The following ERC2 variants were observed in gnomAD, a reference collection of about 807,000 sequenced individuals.
ERC2 encodes the protein ERC protein 2.
In ERC2, 42 loss-of-function variants were observed where a neutral mutation model predicts 114.8. The observed-to-expected ratio is 0.37, with a 90% CI of 0.29 to 0.47. The LOEUF (loss-of-function observed/expected upper bound fraction) is 0.47, where lower values mean the gene tolerates loss of function less well. Ranked by LOEUF, ERC2 falls within the 20% of genes least tolerant of loss-of-function variation. The pLI is 0.99. For missense variants in ERC2, 939 were observed against 1,150.7 expected (o/e 0.82, Z 2.66); for synonymous variants, 454 against 425.5 (o/e 1.07, Z -0.82).
chr3:55,995,107 G>A (rs531463761), intron 10 of ERC2, among the ~76,000 whole-genome samples: 2 of 152,252 alleles, frequency 1.3e-5, no homozygotes, highest in Non-Finnish European at 2.9e-5. Flanking sequence ...GGCCAAGGTG[G>A]GTGGATCACA....
chr3:55,905,889 A>G (rs2064403177), intron 13 of ERC2, among the ~76,000 whole-genome samples: 1 of 152,194 alleles, frequency 6.6e-6, no homozygotes. Context: ...GTCCCTTCAG[A>G]TAAAGGAGCT....
chr3:55,582,502 A>T (rs1021466598), intron 17 of ERC2, among the ~76,000 whole-genome samples: 1 of 152,230 alleles, frequency 6.6e-6, no homozygotes, highest in Non-Finnish European at 1.5e-5. Flanking sequence ...TTGGCTATCA[A>T]TATTTTGAAG....
chr3:56,100,814 C>T (rs2078310534), intron 6 of ERC2, among the ~76,000 whole-genome samples: 1 of 152,178 alleles, frequency 6.6e-6, no homozygotes, highest in Admixed American at 6.5e-5. Context: ...ATATATTACA[C>T]ACAGTACAGT....
intron 14 of ERC2, among the ~76,000 whole-genome samples, chr3:55,772,014 C>T (rs1027251251): frequency 6.6e-6 from 1 of 152,224 alleles, no homozygotes; most frequent in Non-Finnish European, 1.5e-5. Context: ...GGCCTCACGT[C>T]TGTGGGCCTC....
rs544772708 is a variant in ERC2, at chr3:56,265,353, A to G, written c.1074+30666T>C. ...AGGGCACCAAGAAGACACAATGAGG[A>G]AAGGACAGTGTCTTCAATAAATGCT... On this transcript the variant is annotated intron_variant, in intron 3 of 17. Transcript: ENST00000288221. Among the ~76,000 whole-genome samples, 4 of 152,338 alleles carry G rather than the reference A, an allele frequency of 2.6e-5. No individual in the cohort carries two copies. In the East Asian group the frequency reaches 7.7e-4, roughly 29 times the overall value.
chr3:56,177,603 C>G (rs1197970483), intron 3 of ERC2, among the ~76,000 whole-genome samples: 1 of 152,138 alleles, frequency 6.6e-6, no homozygotes, highest in Admixed American at 6.5e-5. Context: ...ACCATGTCAG[C>G]TGGTTCACAG....
chr3:56,078,630 G>C (rs904467597), intron 7 of ERC2, among the ~76,000 whole-genome samples: 11 of 152,212 alleles, frequency 7.2e-5, no homozygotes, highest in Non-Finnish European at 1.5e-4. Flanking sequence ...ACAAGAACAA[G>C]TGCTCCTGGC....
chr3:56,190,224 A>C (rs1008595449), intron 3 of ERC2, among the ~76,000 whole-genome samples: 1 of 152,144 alleles, frequency 6.6e-6, no homozygotes, highest in African/African-American at 2.4e-5. Context: ...TGAACATTTT[A>C]TTTGCAAACC....
chr3:56,177,750 G>T (rs1307598664), intron 3 of ERC2, among the ~76,000 whole-genome samples: 1 of 152,162 alleles, frequency 6.6e-6, no homozygotes, highest in Non-Finnish European at 1.5e-5. Context: ...TGGGTATGCT[G>T]CTTCCCCTCT....
chr3:55,865,976 G>A (rs1308516609), intron 14 of ERC2, among the ~76,000 whole-genome samples: 2 of 152,118 alleles, frequency 1.3e-5, no homozygotes, highest in Non-Finnish European at 2.9e-5. Flanking sequence ...ATATCTAGAA[G>A]TTGAATTGCT....
intron 1 of ERC2, among the ~76,000 whole-genome samples, chr3:56,463,008 C>T (rs945549037): frequency 6.6e-6 from 1 of 152,266 alleles, no homozygotes; most frequent in South Asian, 2.1e-4. Flanking sequence ...AGGCAGATCA[C>T]TTGAGCTCGG....
intron 2 of ERC2, among the ~76,000 whole-genome samples, chr3:56,344,524 CGAG>C (rs529838823): frequency 9.9e-5 from 15 of 152,158 alleles, no homozygotes; most frequent in Non-Finnish European, 1.9e-4. Context: ...ACCAAAACCC[CGAG>C]GAGTGACAAG....
intron 3 of ERC2, among the ~76,000 whole-genome samples, chr3:56,274,146 C>G (rs2053840489): frequency 6.6e-6 from 1 of 152,194 alleles, no homozygotes; most frequent in South Asian, 2.1e-4. Flanking sequence ...CGCCTGAGCT[C>G]CCCCTGCTAT....
chr3:56,178,439 C>G lies in ERC2; in HGVS notation c.1075-4919G>C, dbSNP rs541149774. Among the ~76,000 whole-genome samples the G allele has an allele frequency of 2.0e-5, 3 of 152,240 alleles. No homozygotes were observed. In the East Asian group the frequency reaches 5.8e-4, roughly 29 times the overall value. ...GCACAAGAGCAAGAAAACTACATGG[C>G]CTTTTATTACCTAACCTTGAAAGTC... On this transcript the variant is annotated intron_variant, in intron 3 of 17. Transcript: ENST00000288221.
chr3:55,735,586 C>G (rs1485872446), intron 14 of ERC2, among the ~76,000 whole-genome samples: 1 of 152,200 alleles, frequency 6.6e-6, no homozygotes, highest in Non-Finnish European at 1.5e-5. Context: ...GCTCCACCCT[C>G]ATGATCCTCA....
chr3:55,609,335 C>A (rs574701226), intron 17 of ERC2, among the ~76,000 whole-genome samples: 1 of 152,314 alleles, frequency 6.6e-6, no homozygotes, highest in East Asian at 1.9e-4. Context: ...TCCAGCATTC[C>A]TCCCCTAGCC....
At chr3:55,580,393 C>G (rs2057201354) in intron 17 of ERC2, among the ~76,000 whole-genome samples, 1 of 152,146 alleles carries the variant, frequency 6.6e-6, no homozygotes, top group East Asian at 1.9e-4. Context: ...TTTTCAATGT[C>G]AGGAAACTCT....
intron 17 of ERC2, among the ~76,000 whole-genome samples, chr3:55,544,746 A>G (rs1304212044): frequency 6.6e-6 from 1 of 152,066 alleles, no homozygotes; most frequent in African/African-American, 2.4e-5. Flanking sequence ...AAAATACAAC[A>G]ATCACTATCA....
chr3:55,939,968 T>C (rs2066681971), intron 13 of ERC2, among the ~76,000 whole-genome samples: 1 of 152,214 alleles, frequency 6.6e-6, no homozygotes, highest in African/African-American at 2.4e-5. Context: ...GTGCACACTA[T>C]GAAATTCTCA....
Sources: allele counts gnomAD v4.1 joint callset (sites outside exome capture counted in the v4.1 genomes callset), GRCh38; gene constraint gnomAD v4.1.1; transcripts MANE v1.5; gene names NCBI Gene and HGNC (gene_info 2026-07-23, HGNC 2026-07-21).